The following ZNF704 variants were observed in gnomAD, a reference collection of about 807,000 sequenced individuals.
ZNF704 encodes the protein zinc finger protein 704.
A neutral mutation model predicts 44.7 loss-of-function variants in ZNF704; 10 were observed. The ratio of observed to expected loss-of-function variants is 0.22; its 90% CI spans 0.14 to 0.38. The LOEUF is 0.38. Ranked by LOEUF, ZNF704 falls within the 10% of genes least tolerant of loss-of-function variation. The pLI is 1.00. For synonymous variants in ZNF704, 211 were observed against 207.6 expected (o/e 1.02, Z -0.14); for missense variants, 390 against 545.5 (o/e 0.71, Z 2.84).
intron 2 of ZNF704, among the ~76,000 whole-genome samples, chr8:80,806,408 T>G (rs1294225277): frequency 2.0e-5 from 3 of 152,166 alleles, no homozygotes; most frequent in Non-Finnish European, 4.4e-5. Context: ...TGGTATGTTT[T>G]ACAGCTATTA....
intron 2 of ZNF704, among the ~76,000 whole-genome samples, chr8:80,743,191 C>CAAAAAA (rs59886049): frequency 0.013 from 471 of 35,734 alleles, 31 homozygotes; most frequent in African/African-American, 0.045. Context: ...CTTGCAACTG[C>CAAAAAA]AAAAAAAAAA....
chr8:80,671,206 C>T lies in ZNF704; in HGVS notation c.559-603G>A, dbSNP rs147358292. 4.1e-3 allele frequency among the ~76,000 whole-genome samples: 631 copies of T among 152,296 alleles called. 3 individuals carry two copies. Among genetic ancestry groups the T allele is most frequent in the African/African-American group, 0.015 (614 of 41,568 alleles). On this transcript the variant is annotated intron_variant, in intron 4 of 8. Coordinates refer to ENST00000327835, the MANE Select transcript of ZNF704 (RefSeq NM_001033723.3). ...GCAGCGGCACAATCTTGGATCACTG[C>T]AGCCTCCGCCTCCTGGGCTCAAGAG...
intron 2 of ZNF704, among the ~76,000 whole-genome samples, chr8:80,697,242 G>T (rs1818740532): frequency 6.6e-6 from 1 of 152,126 alleles, no homozygotes; most frequent in Non-Finnish European, 1.5e-5. Flanking sequence ...GTGGTTTGTT[G>T]TATTCCTATA....
chr8:80,705,693 G>C (rs1320159543), intron 2 of ZNF704, among the ~76,000 whole-genome samples: 2 of 152,116 alleles, frequency 1.3e-5, no homozygotes, highest in Admixed American at 1.3e-4. Context: ...AGATGAGGGA[G>C]TGGGAGGTGG....
chr8:80,711,400 C>CTAAGAATAAGAA, intron 2 of ZNF704, among the ~76,000 whole-genome samples: 1 of 152,220 alleles, frequency 6.6e-6, no homozygotes, highest in East Asian at 1.9e-4. Flanking sequence ...GAGAAACCCA[C>CTAAGAATAAGAA]TATGAATGGG....
intron 7 of ZNF704, among the ~76,000 whole-genome samples, chr8:80,647,433 C>A (rs376320463): frequency 6.6e-6 from 1 of 152,060 alleles, no homozygotes; most frequent in African/African-American, 2.4e-5. Context: ...GTTATTCTAA[C>A]GGCAATAAGT....
In ZNF704 at chr8:80,677,246, A is replaced by C. The variant is rs1296201449; in HGVS notation, c.559-6643T>G. 3.3e-5 allele frequency among the ~76,000 whole-genome samples: 5 copies of C among 152,346 alleles called. No individual in the cohort carries two copies. The East Asian group carries it at 9.6e-4, about 29-fold the overall frequency. On this transcript the variant is annotated intron_variant, in intron 4 of 8. Transcript: ENST00000327835. Reference sequence around the variant, plus strand: ...ATTGCTGATTGTTTTAGGATATGATAATCACAGTGGTATTTTTGTGCCATA... The same window carrying C: ...ATTGCTGATTGTTTTAGGATATGATCATCACAGTGGTATTTTTGTGCCATA...
At chr8:80,674,268 G>A (rs1260987351) in intron 4 of ZNF704, among the ~76,000 whole-genome samples, 1 of 152,078 alleles carries the variant, frequency 6.6e-6, no homozygotes, top group Non-Finnish European at 1.5e-5. Context: ...TTCACAAAAA[G>A]GAATTCTGCA....
At chr8:80,672,381 TA>T (rs1384681486) in intron 4 of ZNF704, among the ~76,000 whole-genome samples, 1 of 152,172 alleles carries the variant, frequency 6.6e-6, no homozygotes, top group Non-Finnish European at 1.5e-5. Context: ...GAACTAAAAA[TA>T]GAAGTACCAT....
chr8:80,868,736 A>G (rs1809199201), intron 1 of ZNF704, among the ~76,000 whole-genome samples: 1 of 152,162 alleles, frequency 6.6e-6, no homozygotes, highest in Non-Finnish European at 1.5e-5. Flanking sequence ...TTTCATTCCC[A>G]TTCTTTTATT....
chr8:80,864,342 A>G (rs1277182092), intron 1 of ZNF704, among the ~76,000 whole-genome samples: 1 of 152,130 alleles, frequency 6.6e-6, no homozygotes, highest in Non-Finnish European at 1.5e-5. Context: ...ATTTCCCAAA[A>G]TGTATCCCAA....
chr8:80,806,326 T>A (rs1363253803), intron 2 of ZNF704, among the ~76,000 whole-genome samples: 1 of 152,206 alleles, frequency 6.6e-6, no homozygotes, highest in Non-Finnish European at 1.5e-5. Context: ...CCGTGAGATC[T>A]AAAACCTGAC....
chr8:80,784,223 A>C (rs1432509846), intron 2 of ZNF704, among the ~76,000 whole-genome samples: 1 of 152,208 alleles, frequency 6.6e-6, no homozygotes, highest in Non-Finnish European at 1.5e-5. Flanking sequence ...AGCTGCTATA[A>C]AGATCTATAT....
At chr8:80,749,931 G>C (rs1310213687) in intron 2 of ZNF704, among the ~76,000 whole-genome samples, 1 of 152,140 alleles carries the variant, frequency 6.6e-6, no homozygotes, top group African/African-American at 2.4e-5. Context: ...GCCAGCCTGG[G>C]TGGTTCCAGG....
At chr8:80,862,502 A>C (rs1277139819) in intron 1 of ZNF704, among the ~76,000 whole-genome samples, 2 of 151,030 alleles carry the variant, frequency 1.3e-5, no homozygotes, top group Non-Finnish European at 2.9e-5. Flanking sequence ...CTGTAATCCC[A>C]GCACTCCAGC....
chr8:80,799,042 T>C (rs1295307668), intron 2 of ZNF704, among the ~76,000 whole-genome samples: 2 of 152,188 alleles, frequency 1.3e-5, no homozygotes, highest in African/African-American at 4.8e-5. Context: ...CCCACTCCTG[T>C]GATAAACTGT....
intron 2 of ZNF704, among the ~76,000 whole-genome samples, chr8:80,813,433 A>C (rs1401879387): frequency 6.6e-6 from 1 of 152,234 alleles, no homozygotes; most frequent in East Asian, 1.9e-4. Context: ...AACTTATAGT[A>C]CACAAAAAAT....
intron 2 of ZNF704, among the ~76,000 whole-genome samples, chr8:80,776,264 A>G (rs559533573): frequency 1.3e-5 from 2 of 152,320 alleles, no homozygotes; most frequent in South Asian, 4.1e-4. Flanking sequence ...TATAATTTTT[A>G]TGACTTCTCA....
At chr8:80,727,558 T>C (rs1806505666) in intron 2 of ZNF704, among the ~76,000 whole-genome samples, 1 of 152,178 alleles carries the variant, frequency 6.6e-6, no homozygotes, top group Non-Finnish European at 1.5e-5. Flanking sequence ...TAATTCATCA[T>C]GCAGTGGCTC....
Sources: gnomAD v4.1 joint callset for allele counts (sites outside exome capture counted in the v4.1 genomes callset) on GRCh38, gnomAD v4.1.1 for gene constraint, MANE v1.5 for transcripts, NCBI Gene and HGNC (gene_info 2026-07-23, HGNC 2026-07-21) for gene names.